Variants in PDE8B observed in about 807,000 individuals in gnomAD.
PDE8B encodes high affinity cAMP-specific and IBMX-insensitive 3',5'-cyclic phosphodiesterase 8B.
PDE8B carries 26 observed loss-of-function variants against 101.3 expected under a neutral mutation model. The observed-to-expected ratio is 0.26, with a 90% CI of 0.19 to 0.36. The LOEUF (loss-of-function observed/expected upper bound fraction) is 0.36. PDE8B is among the 10% of genes least tolerant of loss of function. PDE8B has a pLI of 1.00. For missense variants in PDE8B, 810 were observed against 1,163.1 expected (o/e 0.70, Z 4.42); for synonymous variants, 424 against 429.3 (o/e 0.99, Z 0.15).
In PDE8B at chr5:77,211,862, C is replaced by T. The variant is rs1748499824; in HGVS notation, c.339+598C>T. Among the ~76,000 whole-genome samples, 1 of 152,080 alleles carries T rather than the reference C, an allele frequency of 6.6e-6. No homozygotes were observed. The highest frequency in any genetic ancestry group is 2.4e-5 in the African/African-American group (1 of 41,394). On this transcript the variant is annotated intron_variant, in intron 1 of 21. Transcript: ENST00000264917. The surrounding 1 kb of genome is among the most constrained non-coding windows in gnomAD (Gnocchi z 4.1). ...TGTTGTTTGTCACTGTAACGTTTCT[C>T]TGGGTTGGCTGCATCCTAGACAGAA...
At chr5:77,315,524 A>G (rs564205660) in intron 2 of PDE8B, among the ~76,000 whole-genome samples, 1 of 152,346 alleles carries the variant, frequency 6.6e-6, no homozygotes, top group Non-Finnish European at 1.5e-5. Context: ...ATACTCCACA[A>G]AAAGTGATAA....
rs530846169 is a variant in PDE8B at position 77,323,734 on chromosome 5, G to A, written c.400-1805G>A. On this transcript the variant is annotated intron_variant, in intron 2 of 21. Coordinates refer to ENST00000264917, the MANE Select transcript of PDE8B (RefSeq NM_003719.5). ...AGCACTTTGGGAGGCCGAGGTGGGC[G>A]GATCATGAGGTCAGGAGTTCGAGAC... is the stretch of plus-strand genomic sequence containing the variant. Among the ~76,000 whole-genome samples, 118 of 152,188 alleles carry A rather than the reference G, an allele frequency of 7.8e-4. 1 individual carries two copies. Among genetic ancestry groups the A allele is most frequent in the Admixed American group, 3.7e-3 (56 of 15,284 alleles).
the PDE8B span, among the ~76,000 whole-genome samples, chr5:77,130,671 T>G: frequency 5.3e-4 from 81 of 152,120 alleles, no homozygotes; most frequent in Non-Finnish European, 1.0e-3. Flanking sequence ...ATGGGGCTGT[T>G]CTCCATAATC....
intron 10 of PDE8B, among the ~76,000 whole-genome samples, chr5:77,397,102 G>A (rs1016079828): frequency 3.0e-5 from 4 of 133,482 alleles, no homozygotes; most frequent in African/African-American, 6.0e-5. Flanking sequence ...GCATGATCTC[G>A]GCTCACTGTA....
chr5:77,331,487 T>C, intron 5 of PDE8B, 28 bp downstream of exon 5: 3 of 1,568,444 alleles, frequency 1.9e-6, no homozygotes, highest in Non-Finnish European at 2.6e-6. Flanking sequence ...AGCATCTCTC[T>C]CAGTTGCAGG....
chr5:77,351,075 G>T lies in PDE8B; in HGVS notation c.1028G>T (p.Gly343Val). The T allele has an allele frequency of 6.2e-7, 1 of 1,613,602 alleles. No individual in the cohort carries two copies. The highest frequency in any genetic ancestry group is 8.5e-7 in the Non-Finnish European group (1 of 1,179,502). ...TCIKKGKEWQ[G>V]VYYARRKSGD... ...TCTTTGTCCATGTAGGAGTGGCAGG[G>T]GGTTTACTATGCCAGACGGAAATCC... The change falls in exon 9 of 22, where the codon GGG becomes GTG. Residue 343 changes from glycine to valine, a missense_variant. By Grantham distance (109) the Gly-to-Val change is moderately radical. Around this residue, in one of 4 missense-constraint regions of PDE8B, gnomAD observed 251 missense variants for 378.8 expected, o/e 0.66. Transcript: ENST00000264917.
intron 1 of PDE8B, among the ~76,000 whole-genome samples, chr5:77,245,475 T>A (rs554056478): frequency 3.3e-5 from 5 of 152,214 alleles, no homozygotes; most frequent in Non-Finnish European, 7.3e-5. Context: ...TTTCTGAGAA[T>A]TGACAGTCTC....
At position 77,421,968 on chromosome 5, in the gene PDE8B, T is replaced by G; in HGVS notation, c.2398T>G (p.Ser800Ala). ...GTGCATTGAATGGGCTGGGAGGATC[T>G]CTGAGGAGTATTTTGCACAGGTGCG... ...DLCIEWAGRI[S>A]EEYFAQTDEE... The change falls in exon 20 of 22, where the codon TCT becomes GCT. Residue 800 changes from serine (S) to alanine (A), a missense_variant. This residue lies in a region of PDE8B where 325 missense variants were observed against 560.9 expected (regional missense o/e 0.58). Coordinates refer to ENST00000264917, the MANE Select transcript of PDE8B (RefSeq NM_003719.5). 5 of 1,614,170 alleles carry G rather than the reference T, an allele frequency of 3.1e-6. No homozygotes were observed. The highest frequency in any genetic ancestry group is 4.2e-6 in the Non-Finnish European group (5 of 1,180,038).
intron 1 of PDE8B, among the ~76,000 whole-genome samples, chr5:77,245,611 T>C (rs1580540696): frequency 6.6e-6 from 1 of 152,198 alleles, no homozygotes; most frequent in Non-Finnish European, 1.5e-5. Context: ...CTTTATTTCA[T>C]GGAGCAGCTT....
chr5:77,375,550 GC>G (rs1479553232), intron 10 of PDE8B, among the ~76,000 whole-genome samples: 1 of 152,144 alleles, frequency 6.6e-6, no homozygotes, highest in Admixed American at 6.5e-5. Flanking sequence ...AGGTCCCATG[GC>G]TGCATTTGCT....
chr5:77,397,897 C>T (rs539377977), intron 10 of PDE8B, among the ~76,000 whole-genome samples: 2 of 152,252 alleles, frequency 1.3e-5, no homozygotes, highest in African/African-American at 4.8e-5. Flanking sequence ...AAAAAGTAAT[C>T]TCTGTACCCC....
chr5:77,177,459 T>C, the PDE8B span, among the ~76,000 whole-genome samples: 1 of 151,608 alleles, frequency 6.6e-6, no homozygotes, highest in Non-Finnish European at 1.5e-5. Context: ...TAGACTGTAA[T>C]AAAAGTTATG....
chr5:77,191,261 T>G, the PDE8B span, among the ~76,000 whole-genome samples: 1 of 152,346 alleles, frequency 6.6e-6, no homozygotes, highest in African/African-American at 2.4e-5. Context: ...TTAGGAATTT[T>G]GGGGGACAGA....
chr5:77,383,366 T>A (rs1421095287), intron 10 of PDE8B, among the ~76,000 whole-genome samples: 1 of 152,126 alleles, frequency 6.6e-6, no homozygotes, highest in African/African-American at 2.4e-5. Context: ...ATTACAAAAA[T>A]TTTCTCCCAT....
the PDE8B span, among the ~76,000 whole-genome samples, chr5:77,132,767 C>T: frequency 6.6e-6 from 1 of 152,140 alleles, no homozygotes; most frequent in Non-Finnish European, 1.5e-5. Flanking sequence ...GTTTTGGTTG[C>T]GTCTTTTTGG....
chr5:77,209,176 T>G (rs555516004), upstream of PDE8B, among the ~76,000 whole-genome samples: 1 of 152,240 alleles, frequency 6.6e-6, no homozygotes, highest in East Asian at 1.9e-4. Context: ...TGGAGTTTTT[T>G]TGTATCAAAA....
chr5:77,278,627 G>A (rs978229162), intron 1 of PDE8B, among the ~76,000 whole-genome samples: 2 of 151,894 alleles, frequency 1.3e-5, no homozygotes, highest in Non-Finnish European at 2.9e-5. Context: ...CTGCCACCAC[G>A]CCCGGCTAAT....
the PDE8B span, among the ~76,000 whole-genome samples, chr5:77,107,766 G>A: frequency 6.6e-6 from 1 of 152,076 alleles, no homozygotes. Context: ...ATCTTTTGCT[G>A]GTCTGAGTTC....
chr5:77,152,926 C>T, the PDE8B span, among the ~76,000 whole-genome samples: 1 of 152,206 alleles, frequency 6.6e-6, no homozygotes, highest in African/African-American at 2.4e-5. Context: ...TTCCCAGTGC[C>T]TACACGTCTG....
Sources: gnomAD v4.1 joint callset for allele counts (sites outside exome capture counted in the v4.1 genomes callset) on GRCh38, gnomAD v4.1.1 for gene constraint, gnomAD v4.1.1 regional missense constraint, Gnocchi (gnomAD v3.1) non-coding constraint, MANE v1.5 for transcripts, NCBI Gene and HGNC (gene_info 2026-07-23, HGNC 2026-07-21) for gene names.